The following EZR variants were observed in gnomAD, a reference collection of about 807,000 sequenced individuals.
EZR encodes ezrin.
A neutral mutation model predicts 74.8 loss-of-function variants in EZR; 40 were observed. The observed-to-expected ratio is 0.53, with a 90% CI of 0.42 to 0.70. The LOEUF (loss-of-function observed/expected upper bound fraction) is 0.70, where lower values mean the gene tolerates loss of function less well. Ranked by LOEUF, EZR falls within the 30% of genes least tolerant of loss-of-function variation. The probability of loss-of-function intolerance (pLI) is 0.00; values close to 1 mark genes in which losing one functional copy is unlikely to be tolerated. For synonymous variants in EZR, 341 were observed against 283.3 expected (o/e 1.20, Z -2.05); for missense variants, 678 against 755.8 (o/e 0.90, Z 1.21).
intron 2 of EZR, among the ~76,000 whole-genome samples, chr6:158,802,873 C>T (rs1777217956): frequency 6.6e-6 from 1 of 152,088 alleles, no homozygotes; most frequent in African/African-American, 2.4e-5. Flanking sequence ...ATGGTTTATC[C>T]CTCGAATACA....
At chr6:158,768,966 G>C (rs1791008464) in intron 12 of EZR, among the ~76,000 whole-genome samples, 1 of 152,172 alleles carries the variant, frequency 6.6e-6, no homozygotes, top group Admixed American at 6.5e-5. Flanking sequence ...CCCATTGCAA[G>C]GGGCACATAT....
In EZR at chr6:158,785,413, A is replaced by C. The variant is rs1384978589; in HGVS notation, c.363T>G (p.Thr121=). ...LSDEIYCPPE[T]AVLLGSYAVQ... ...CAGCGTAGGACCCCAAGAGCACGGC[A>C]GTCTCAGGGGGGCAGTAGATCTCAT... Residue 121 remains threonine (T), a synonymous_variant, in exon 5 of 14, where the codon ACT becomes ACG. Coordinates refer to ENST00000367075, the MANE Select transcript of EZR (RefSeq NM_001111077.2). 1.2e-6 allele frequency: 2 copies of C among 1,614,214 alleles called. No individual in the cohort carries two copies. Among genetic ancestry groups the C allele is most frequent in the Non-Finnish European group, 1.7e-6 (2 of 1,180,038 alleles).
At chr6:158,817,701 G>C (rs1326143733) in intron 2 of EZR, among the ~76,000 whole-genome samples, 6 of 152,298 alleles carry the variant, frequency 3.9e-5, no homozygotes, top group Admixed American at 3.3e-4. Context: ...CTGAGAACTG[G>C]TGTGTGTGGT....
intron 5 of EZR, among the ~76,000 whole-genome samples, chr6:158,785,029 C>T (rs747673816): frequency 6.6e-6 from 1 of 152,180 alleles, no homozygotes; most frequent in Non-Finnish European, 1.5e-5. Context: ...TTCACAGGGG[C>T]AACCTATCAT....
chr6:158,767,927 T>C (rs1583552448), intron 12 of EZR, among the ~76,000 whole-genome samples: 1 of 151,972 alleles, frequency 6.6e-6, no homozygotes, highest in African/African-American at 2.4e-5. Context: ...CCCGCCTCCA[T>C]CCCAGCCAGC....
intron 7 of EZR, among the ~76,000 whole-genome samples, chr6:158,781,251 A>T (rs959262274): frequency 2.2e-4 from 34 of 152,172 alleles, no homozygotes; most frequent in African/African-American, 8.2e-4. Flanking sequence ...GGGCCTATTA[A>T]ATGACTGAAT....
intron 2 of EZR, among the ~76,000 whole-genome samples, chr6:158,804,296 C>T (rs1421301421): frequency 6.6e-6 from 1 of 152,278 alleles, no homozygotes; most frequent in Middle Eastern, 3.4e-3. Context: ...AAGAAATAAT[C>T]AAAGGATGTT....
chr6:158,814,948 A>C (rs1288040190), intron 2 of EZR, among the ~76,000 whole-genome samples: 1 of 152,210 alleles, frequency 6.6e-6, no homozygotes, highest in Non-Finnish European at 1.5e-5. Flanking sequence ...CCACTCACTC[A>C]GTTCAGGCAA....
chr6:158,805,803 G>A (rs2128575551), intron 2 of EZR, among the ~76,000 whole-genome samples: 1 of 152,286 alleles, frequency 6.6e-6, no homozygotes, highest in Admixed American at 6.5e-5. Flanking sequence ...AAGACATGGT[G>A]TACATTTTAC....
intron 2 of EZR, among the ~76,000 whole-genome samples, chr6:158,806,976 T>G (rs1039510317): frequency 1.3e-5 from 2 of 152,240 alleles, no homozygotes; most frequent in African/African-American, 4.8e-5. Context: ...CATATTTATG[T>G]GCTAAGCTTT....
intron 11 of EZR, 56 bp from the exon 12 acceptor site, chr6:158,769,474 G>A (rs759609409): frequency 9.1e-6 from 14 of 1,534,494 alleles, no homozygotes; most frequent in African/African-American, 2.7e-5. Context: ...ACGGAGTCCA[G>A]TTGTGAATGA....
At chr6:158,790,013 G>C (rs1473530474) in intron 2 of EZR, among the ~76,000 whole-genome samples, 4 of 152,172 alleles carry the variant, frequency 2.6e-5, no homozygotes, top group Non-Finnish European at 4.4e-5. Context: ...AGGGAGGCAG[G>C]AGGGCTCCCA....
intron 8 of EZR, among the ~76,000 whole-genome samples, chr6:158,775,632 G>C (rs1456720446): frequency 1.3e-5 from 2 of 152,152 alleles, no homozygotes; most frequent in Non-Finnish European, 2.9e-5. Context: ...TTCAGAACAG[G>C]CTCTAAGGTG....
At chr6:158,774,770 A>G (rs559716800) in intron 8 of EZR, among the ~76,000 whole-genome samples, 1 of 151,604 alleles carries the variant, frequency 6.6e-6, no homozygotes, top group African/African-American at 2.4e-5. Context: ...CAAATTTTTA[A>G]TAAGTGTTCT....
intron 2 of EZR, among the ~76,000 whole-genome samples, chr6:158,806,444 T>TTCTC (rs1777341047): frequency 1.3e-5 from 2 of 151,934 alleles, no homozygotes; most frequent in East Asian, 3.9e-4. Context: ...TCTTTTCAGC[T>TTCTC]TCAACACCAT....
In EZR at chr6:158,810,267, T is replaced by A. The variant is rs559354212; in HGVS notation, c.12+7815A>T. On this transcript the variant is annotated intron_variant, in intron 2 of 13. Transcript: ENST00000367075. Reference sequence around the variant, plus strand: ...CTTTGAAACAGCATTACTGTTTGCCTGTAAGTGTTAAGAACGGGTTAATGA... The same window carrying A: ...CTTTGAAACAGCATTACTGTTTGCCAGTAAGTGTTAAGAACGGGTTAATGA... Among the ~76,000 whole-genome samples the A allele has an allele frequency of 6.8e-4, 104 of 152,338 alleles. 1 individual carries two copies. In the Middle Eastern group the frequency reaches 0.01, roughly 15 times the overall value.
chr6:158,775,118 T>C (rs3123105), intron 8 of EZR, among the ~76,000 whole-genome samples: 77,667 of 148,832 alleles, frequency 0.52, 21,164 homozygotes, highest in Non-Finnish European at 0.61. Flanking sequence ...CTGCAACCTC[T>C]GCTTCCTGGG....
At chr6:158,803,200 C>T (rs1304797350) in intron 2 of EZR, among the ~76,000 whole-genome samples, 8 of 148,758 alleles carry the variant, frequency 5.4e-5, no homozygotes. Context: ...TAGTAACTGA[C>T]TTTTCACGTA....
intron 2 of EZR, among the ~76,000 whole-genome samples, chr6:158,800,235 C>T (rs994211898): frequency 6.6e-6 from 1 of 151,918 alleles, no homozygotes; most frequent in African/African-American, 2.4e-5. Flanking sequence ...TAAATGAAGT[C>T]TCTCTATATA....
Sources: allele counts gnomAD v4.1 joint callset (sites outside exome capture counted in the v4.1 genomes callset), GRCh38; gene constraint gnomAD v4.1.1; transcripts MANE v1.5; gene names NCBI Gene and HGNC (gene_info 2026-07-23, HGNC 2026-07-21).